Variants in AP1B1 observed in about 807,000 individuals in gnomAD.
AP1B1 encodes adaptor related protein complex 1 subunit beta 1, also known as AP-1 complex subunit beta-1.
Under a neutral mutation model 104.3 loss-of-function variants are expected in AP1B1, and 36 were observed. That is an observed-to-expected ratio of 0.35 (90% CI 0.26 to 0.46). AP1B1 has a LOEUF of 0.46. Among genes scored for constraint, AP1B1 ranks in the 20% least tolerant of loss-of-function variants. The pLI is 1.00. For missense variants in AP1B1, 901 were observed against 1,247.9 expected, an observed-to-expected ratio of 0.72 and a Z score of 4.19; for synonymous variants, 504 against 517.5, an observed-to-expected ratio of 0.97 and a Z score of 0.35.
At chr22:29,383,611 A>C (rs947757262) in intron 1 of AP1B1, among the ~76,000 whole-genome samples, 9 of 150,796 alleles carry the variant, frequency 6.0e-5, no homozygotes, top group Non-Finnish European at 1.3e-4. Flanking sequence ...CAGGAGGCTG[A>C]AGCAGGAGAA....
In AP1B1 at chr22:29,339,782, C is replaced by A; in HGVS notation, c.1999-8G>T. ...TTCAGGCTCATCCCCCATCTCCAAG[C>A]AGAAGCAGGCAGGTGAAGAGAACAG... On this transcript the variant is annotated splice_region_variant and splice_polypyrimidine_tract_variant and intron_variant, in intron 14 of 22. Coordinates refer to ENST00000357586, the MANE Select transcript of AP1B1 (RefSeq NM_001127.4). The A allele has an allele frequency of 6.2e-7, 1 of 1,606,306 alleles. No homozygotes were observed.
At chr22:29,329,413 C>T (rs1452619556) in intron 22 of AP1B1, 1 of 1,295,272 alleles carries the variant, frequency 7.7e-7, no homozygotes, top group Non-Finnish European at 9.8e-7. Context: ...GAGGAGCCCC[C>T]ACCCATCCAC....
In AP1B1 at chr22:29,328,731, G is replaced by T; in HGVS notation, c.*90C>A. 6.8e-7 allele frequency: 1 copy of T among 1,470,344 alleles called. No individual in the cohort carries two copies. Among genetic ancestry groups the T allele is most frequent in the South Asian group, 1.2e-5 (1 of 80,756 alleles). 91.1% of individuals were successfully genotyped at this position (1,470,344 alleles called of 1,614,324 possible). Reference sequence around the variant, plus strand: ...CACTGAGTGGCCTGGAGCCCCGCCTGGTCCCTCCTGCGAGGAGGAAGATGT... The same window carrying T: ...CACTGAGTGGCCTGGAGCCCCGCCTTGTCCCTCCTGCGAGGAGGAAGATGT... On this transcript the variant is annotated 3_prime_UTR_variant, in exon 23 of 23. Coordinates refer to ENST00000357586, the MANE Select transcript of AP1B1 (RefSeq NM_001127.4). The surrounding 1 kb of genome is among the most constrained non-coding windows in gnomAD (Gnocchi z 4.1).
Position 29,331,481 on chromosome 22 carries a change from A to G in AP1B1, c.2492T>C (p.Leu831Pro), listed in dbSNP as rs140969929. The G allele has an allele frequency of 3.1e-6, 5 of 1,614,076 alleles. No individual in the cohort carries two copies. The African/African-American group carries it at 5.3e-5, about 17-fold the overall frequency. Residue 831 changes from leucine (L) to proline (P), a missense_variant, in exon 19 of 23, where the codon CTG (leucine) becomes CCG (proline). This residue lies in a region of AP1B1 where 424 missense variants were observed against 494.0 expected (regional missense o/e 0.86). Coordinates refer to ENST00000357586, the MANE Select transcript of AP1B1 (RefSeq NM_001127.4). ...CCCGTCCTCCACAAAGAGGATGTGC[A>G]GTGGGTACAAGGTGCTGAAGTAGAA... ...DVFYFSTLYP[L>P]HILFVEDGKM...
chr22:29,369,763 C>G (rs2062201884), intron 1 of AP1B1, among the ~76,000 whole-genome samples: 2 of 152,130 alleles, frequency 1.3e-5, no homozygotes, highest in South Asian at 2.1e-4. Flanking sequence ...GGAGCCTCAG[C>G]CTGCTCTCTG....
At chr22:29,341,284 C>T (rs1010407102) in intron 13 of AP1B1, among the ~76,000 whole-genome samples, 2 of 152,230 alleles carry the variant, frequency 1.3e-5, no homozygotes, top group Non-Finnish European at 2.9e-5. Flanking sequence ...CTTGTTCCCA[C>T]CTGAAGAATG....
At chr22:29,345,160 G>A (rs937090066) in intron 11 of AP1B1, among the ~76,000 whole-genome samples, 1 of 151,468 alleles carries the variant, frequency 6.6e-6, no homozygotes, top group African/African-American at 2.4e-5. Context: ...CCAGGCTCAA[G>A]CAATCCTCCC....
chr22:29,387,553 G>A (rs996233331), intron 1 of AP1B1, among the ~76,000 whole-genome samples: 1 of 152,080 alleles, frequency 6.6e-6, no homozygotes, highest in African/African-American at 2.4e-5. Flanking sequence ...CGATCCACCC[G>A]CCTCAGCTTC....
At chr22:29,329,126 C>G in intron 22 of AP1B1, 2 of 1,345,708 alleles carry the variant, frequency 1.5e-6, no homozygotes, top group South Asian at 3.2e-5. Flanking sequence ...TCAGCCCAGT[C>G]ACCAGAGCCC....
At chr22:29,382,677 GAGA>G (rs1258403193) in intron 1 of AP1B1, among the ~76,000 whole-genome samples, 3 of 152,204 alleles carry the variant, frequency 2.0e-5, no homozygotes, top group African/African-American at 7.2e-5. Flanking sequence ...AGGCCTCCTT[GAGA>G]AGGTGACAGG....
intron 21 of AP1B1, 90 bp downstream of exon 21, chr22:29,330,288 C>A: frequency 1.3e-6 from 2 of 1,578,284 alleles, no homozygotes; most frequent in Non-Finnish European, 1.7e-6. Context: ...CTTGAAGGGA[C>A]GCTTGGACCG....
At chr22:29,349,526 T>C in intron 10 of AP1B1, 143 bp from the exon 11 acceptor site, 1 of 833,184 alleles carries the variant, frequency 1.2e-6, no homozygotes, top group Non-Finnish European at 1.8e-6. Flanking sequence ...TTTTGTTTTT[T>C]TTTTTGAGAT....
At chr22:29,380,469 C>T (rs2062419406) in intron 1 of AP1B1, among the ~76,000 whole-genome samples, 1 of 152,168 alleles carries the variant, frequency 6.6e-6, no homozygotes, top group Admixed American at 6.5e-5. Flanking sequence ...GTGGAGATGA[C>T]TAGCAGGCAG....
chr22:29,350,494 C>T (rs1196776222), intron 9 of AP1B1, among the ~76,000 whole-genome samples: 2 of 152,170 alleles, frequency 1.3e-5, no homozygotes, highest in South Asian at 2.1e-4. Flanking sequence ...AGAAAGGGGG[C>T]TCCTATGTCC....
At chr22:29,336,265 C>T (rs1293355418) in intron 16 of AP1B1, among the ~76,000 whole-genome samples, 2 of 152,212 alleles carry the variant, frequency 1.3e-5, no homozygotes, top group South Asian at 2.1e-4. Flanking sequence ...GTGGCCACAG[C>T]GCTGTTAGGA....
chr22:29,343,525 C>G (rs574798654), intron 11 of AP1B1, among the ~76,000 whole-genome samples: 8 of 152,378 alleles, frequency 5.3e-5, no homozygotes, highest in African/African-American at 1.7e-4. Flanking sequence ...GGCAGCCCAG[C>G]ATCTGGCTTC....
At chr22:29,365,518 C>T (rs866094878) in intron 2 of AP1B1, among the ~76,000 whole-genome samples, 23 of 152,200 alleles carry the variant, frequency 1.5e-4, no homozygotes, top group Middle Eastern at 6.9e-3. Flanking sequence ...CAAAACCCAC[C>T]CCTGGGACTC....
chr22:29,371,558 CA>C lies in AP1B1; in HGVS notation c.-27-4289del, dbSNP rs762068609. ...CATCCTGGCTAACATGGTGAAACCC[CA>C]TCTCTATGAAAAATAAAAAAAATTA... On this transcript the variant is annotated intron_variant, in intron 1 of 22. Coordinates refer to ENST00000357586, the MANE Select transcript of AP1B1 (RefSeq NM_001127.4). Among the ~76,000 whole-genome samples the C allele has an allele frequency of 3.9e-4, 60 of 152,128 alleles. 1 individual carries two copies. The highest frequency in any genetic ancestry group is 3.4e-3 in the Middle Eastern group (1 of 294).
intron 1 of AP1B1, among the ~76,000 whole-genome samples, chr22:29,376,712 G>A (rs956546647): frequency 5.9e-5 from 9 of 152,158 alleles, no homozygotes; most frequent in African/African-American, 1.4e-4. Context: ...GAGCAGAAAG[G>A]CCAAACTTTG....
Sources: allele counts gnomAD v4.1 joint callset (sites outside exome capture counted in the v4.1 genomes callset), GRCh38; gene constraint gnomAD v4.1.1; regional missense constraint gnomAD v4.1.1; non-coding constraint Gnocchi (gnomAD v3.1); transcripts MANE v1.5; gene names NCBI Gene and HGNC (gene_info 2026-07-23, HGNC 2026-07-21).